The following CHMP7 variants were observed in gnomAD, a reference collection of about 807,000 sequenced individuals.
The protein encoded by CHMP7 is CHMP family, member 7.
A neutral mutation model predicts 53.7 loss-of-function variants in CHMP7; 15 were observed. The observed-to-expected ratio is 0.28, with a 90% CI of 0.19 to 0.43. The LOEUF (loss-of-function observed/expected upper bound fraction) is 0.43, where lower values mean the gene tolerates loss of function less well. Among genes scored for constraint, CHMP7 ranks in the 20% least tolerant of loss-of-function variants. The probability of loss-of-function intolerance (pLI) is 1.00; values close to 1 mark genes in which losing one functional copy is unlikely to be tolerated. For missense variants in CHMP7, 527 were observed against 569.4 expected (o/e 0.93, Z 0.76); for synonymous variants, 261 against 228.0 (o/e 1.14, Z -1.30).
chr8:23,248,262 C>G (rs940293413), intron 2 of CHMP7: 2 of 450,740 alleles, frequency 4.4e-6, no homozygotes, highest in African/African-American at 4.0e-5. Context: ...TCTTCCACTT[C>G]CAATTCAGAC....
chr8:23,250,034 A>C (rs1250125062), intron 3 of CHMP7, among the ~76,000 whole-genome samples: 1 of 152,182 alleles, frequency 6.6e-6, no homozygotes, highest in Non-Finnish European at 1.5e-5. Flanking sequence ...GATCAGCCAC[A>C]TGGGGTTTAC....
In CHMP7 at chr8:23,258,777, A is replaced by T. The variant is rs749759736; in HGVS notation, c.1006A>T (p.Met336Leu). ...QAGVGALKLS[M>L]KDVTVEKAES... ...TGGGGTAGGAGCACTCAAACTCTCC[A>T]TGAAGGATGTCACAGTGGAGAAGGC... The change falls in exon 8 of 11, where the codon ATG becomes TTG. Residue 336 changes from methionine to leucine, a missense_variant. By Grantham distance (15) the Met-to-Leu change is conservative (BLOSUM62 2). Coordinates refer to ENST00000397677, the MANE Select transcript of CHMP7 (RefSeq NM_152272.5). The T allele has an allele frequency of 6.2e-6, 10 of 1,613,766 alleles. No individual in the cohort carries two copies.
At chr8:23,247,063 T>A in intron 2 of CHMP7, 69 bp downstream of exon 2, 2 of 1,401,042 alleles carry the variant, frequency 1.4e-6, no homozygotes, top group Non-Finnish European at 1.9e-6. Context: ...CGGGCCCTGG[T>A]CCTGTTCTCT....
At position 23,246,396 on chromosome 8, in the gene CHMP7, G is replaced by C. The variant is rs111600590; in HGVS notation, c.-300G>C. On this transcript the variant is annotated 5_prime_UTR_variant, in exon 2 of 11. Coordinates refer to ENST00000397677, the MANE Select transcript of CHMP7 (RefSeq NM_152272.5). ...CTCCAGAATCTTGAAGGAGACGTAA[G>C]GTGCAGCCACCTGCCGCGCAGGCGC... 3.6e-3 allele frequency: 1,543 copies of C among 425,150 alleles called. 25 individuals carry two copies. Among genetic ancestry groups the C allele is most frequent in the African/African-American group, 0.028 (1,394 of 49,148 alleles). 26.3% of individuals were successfully genotyped at this position (425,150 alleles called of 1,614,324 possible). A position where few individuals can be genotyped will look rare whatever the true frequency, so the allele number is the denominator to read the frequency against.
At chr8:23,256,347 C>T (rs1802122965) in intron 4 of CHMP7, 113 bp from the exon 5 acceptor site, 2 of 731,420 alleles carry the variant, frequency 2.7e-6, no homozygotes, top group Non-Finnish European at 5.0e-6. Context: ...TGGAACATAT[C>T]CCCCATGGAT....
At chr8:23,245,150 G>C (rs6983883) in intron 1 of CHMP7, among the ~76,000 whole-genome samples, 113,700 of 152,186 alleles carry the variant, frequency 0.75, 44,909 homozygotes, top group South Asian at 0.93. Context: ...GTGTTAGCTA[G>C]GATTTCCCGT....
At position 23,258,440 on chromosome 8, in the gene CHMP7, A is replaced by T. The variant is rs1174790186; in HGVS notation, c.951A>T (p.Thr317=). 6.2e-7 allele frequency: 1 copy of T among 1,614,012 alleles called. No homozygotes were observed. Among genetic ancestry groups the T allele is most frequent in the African/African-American group, 1.3e-5 (1 of 75,040 alleles). ...TGGACCGGATCTATGCCTCCCAGAC[A>T]GATCAGATGGTAGTCACTCCCCTCT... The part of the protein sequence containing the change: ...GILDRIYASQ[T]DQMVFNAYQA... The change falls in exon 7 of 11, where the codon ACA becomes ACT. Residue 317 remains threonine, a synonymous_variant. Transcript: ENST00000397677.
At chr8:23,244,398 A>G (rs894712966) in intron 1 of CHMP7, among the ~76,000 whole-genome samples, 1 of 152,182 alleles carries the variant, frequency 6.6e-6, no homozygotes, top group African/African-American at 2.4e-5. Context: ...CATTGTTGAA[A>G]AGACTCTTTG....
In CHMP7 at chr8:23,260,940, G is replaced by A; in HGVS notation, c.*341G>A. 3.1e-6 allele frequency: 1 copy of A among 321,492 alleles called. No homozygotes were observed. The highest frequency in any genetic ancestry group is 5.8e-6 in the Non-Finnish European group (1 of 173,600). 19.9% of individuals were successfully genotyped at this position (321,492 alleles called of 1,614,324 possible). ...CCAGCTTCGTTCCAGCCCATGAAGG[G>A]GAAAGATTTGCAGCTTTGCCAAATC... On this transcript the variant is annotated 3_prime_UTR_variant, in exon 11 of 11. Coordinates refer to ENST00000397677, the MANE Select transcript of CHMP7 (RefSeq NM_152272.5).
At position 23,258,943 on chromosome 8, in the gene CHMP7, G is replaced by T; in HGVS notation, c.1059+113G>T. On this transcript the variant is annotated intron_variant, in intron 8 of 10. Coordinates refer to ENST00000397677, the MANE Select transcript of CHMP7 (RefSeq NM_152272.5). ...CTGACTTGTGACCTTGTGAACTTGA[G>T]GAAGCTTTCCTTGATTCTCACTTGG... The T allele has an allele frequency of 6.6e-6, 7 of 1,061,254 alleles. No individual in the cohort carries two copies. The South Asian group carries it at 8.8e-5, about 13-fold the overall frequency. 65.7% of individuals were successfully genotyped at this position (1,061,254 alleles called of 1,614,324 possible). A position where few individuals can be genotyped will look rare whatever the true frequency, so the allele number is the denominator to read the frequency against.
At chr8:23,256,775 A>C in intron 5 of CHMP7, 182 bp downstream of exon 5, 1 of 315,286 alleles carries the variant, frequency 3.2e-6, no homozygotes, top group Non-Finnish European at 5.7e-6. Flanking sequence ...AAAAGAGAAA[A>C]AAAAATGAGG....
At chr8:23,244,145 A>ATAC (rs1801610688) in intron 1 of CHMP7, among the ~76,000 whole-genome samples, 2 of 152,288 alleles carry the variant, frequency 1.3e-5, no homozygotes, top group South Asian at 4.1e-4. Context: ...AATAATAATA[A>ATAC]TAATAATAAT....
intron 7 of CHMP7, 60 bp downstream of exon 7, chr8:23,258,509 C>T: frequency 6.2e-7 from 1 of 1,600,380 alleles, no homozygotes; most frequent in Admixed American, 1.7e-5. Context: ...TGGTCACTTG[C>T]AGCTTCGGCT....
chr8:23,255,442 C>G lies in CHMP7; in HGVS notation c.657+10C>G. 1 of 1,612,652 alleles carries G rather than the reference C, an allele frequency of 6.2e-7. No homozygotes were observed. The highest frequency in any genetic ancestry group is 8.5e-7 in the Non-Finnish European group (1 of 1,178,618). On this transcript the variant is annotated intron_variant, in intron 4 of 10. Transcript: ENST00000397677. The stretch of plus-strand genomic sequence containing the variant: ...GCAGAACGGGGAGAAGGTATGGAGG[C>G]TCATCTGTTCATTCACTGACTCAGC...
chr8:23,247,033 G>C lies in CHMP7; in HGVS notation c.299+39G>C, dbSNP rs1184422696. On this transcript the variant is annotated intron_variant, in intron 2 of 10. Transcript: ENST00000397677. ...TGGGGCCAGGGCCGCGAGGGCGGGC[G>C]GGGGCAGCTCTCGGAGGGCCGGGCC... 5.5e-6 allele frequency: 8 copies of C among 1,465,250 alleles called. No individual in the cohort carries two copies. In the South Asian group the frequency reaches 1.1e-4, roughly 20 times the overall value. The allele number at this position is 1,465,250 out of a possible 1,614,324, so 90.8% of individuals were successfully genotyped here. A position where few individuals can be genotyped will look rare whatever the true frequency, so the allele number is the denominator to read the frequency against.
rs894886995 is a variant in CHMP7, at chr8:23,260,091, T to G, written c.1121-53T>G. 4.1e-6 allele frequency: 6 copies of G among 1,468,118 alleles called. No homozygotes were observed. In the African/African-American group the frequency reaches 6.9e-5, roughly 17 times the overall value. 90.9% of individuals were successfully genotyped at this position (1,468,118 alleles called of 1,614,324 possible). A position where few individuals can be genotyped will look rare whatever the true frequency, so the allele number is the denominator to read the frequency against. On this transcript the variant is annotated intron_variant, in intron 9 of 10. Coordinates refer to ENST00000397677, the MANE Select transcript of CHMP7 (RefSeq NM_152272.5). ...TTGGTAACCTCAGTCCTGTACTCATTAATGCATTTCTCCCTTGAGTTTATG... is the reference window on the plus strand; with the variant it reads ...TTGGTAACCTCAGTCCTGTACTCATGAATGCATTTCTCCCTTGAGTTTATG...
rs1396628601 is a variant in CHMP7 at position 23,260,234 on chromosome 8, A to G, written c.1211A>G (p.Asn404Ser). 4 of 1,614,080 alleles carry G rather than the reference A, an allele frequency of 2.5e-6. No homozygotes were observed. In the African/African-American group the frequency reaches 4.0e-5, roughly 16 times the overall value. Residue 404 changes from asparagine (N) to serine (S), a missense_variant, in exon 10 of 11, where the codon AAT becomes AGT. Asn to Ser is a conservative substitution (Grantham distance 46, BLOSUM62 1). Transcript: ENST00000397677. ...EPLDLPDNPR[N>S]RHFTNSVPNP... ...TTGGATCTGCCTGACAACCCCCGCA[A>G]TAGGCATTTTACCAACAGCGTGCCT... is the stretch of plus-strand genomic sequence containing the variant.
chr8:23,257,819 T>C (rs1802200026), intron 5 of CHMP7, among the ~76,000 whole-genome samples: 1 of 152,214 alleles, frequency 6.6e-6, no homozygotes, highest in Non-Finnish European at 1.5e-5. Context: ...AAAAAGCTTA[T>C]CCTTAGTCAG....
Position 23,258,441 on chromosome 8 carries a change from G to A in CHMP7, c.952G>A (p.Asp318Asn), listed in dbSNP as rs1471900584. The change falls in exon 7 of 11, where the codon GAT (aspartate) becomes AAT (asparagine). Residue 318 changes from aspartate (D) to asparagine (N), a missense_variant. Coordinates refer to ENST00000397677, the MANE Select transcript of CHMP7 (RefSeq NM_152272.5). ...ILDRIYASQT[D>N]QMVFNAYQAG... ...GGACCGGATCTATGCCTCCCAGACAGATCAGATGGTAGTCACTCCCCTCTA... is the reference window on the plus strand; with the variant it reads ...GGACCGGATCTATGCCTCCCAGACAAATCAGATGGTAGTCACTCCCCTCTA... 1.2e-6 allele frequency: 2 copies of A among 1,613,974 alleles called. No individual in the cohort carries two copies. Among genetic ancestry groups the A allele is most frequent in the African/African-American group, 2.7e-5 (2 of 74,922 alleles).
Sources: gnomAD v4.1 joint callset for allele counts (sites outside exome capture counted in the v4.1 genomes callset) on GRCh38, gnomAD v4.1.1 for gene constraint, MANE v1.5 for transcripts, NCBI Gene and HGNC (gene_info 2026-07-23, HGNC 2026-07-21) for gene names.